TENM2: variants seen among roughly 807,000 people sequenced by gnomAD.
The protein encoded by TENM2 is teneurin-2.
Under a neutral mutation model 245.2 loss-of-function variants are expected in TENM2, and 52 were observed. The observed-to-expected ratio is 0.21, with a 90% CI of 0.17 to 0.27. The LOEUF (loss-of-function observed/expected upper bound fraction) is 0.27, where lower values mean the gene tolerates loss of function less well. Among genes scored for constraint, TENM2 ranks in the 10% least tolerant of loss-of-function variants. TENM2 has a pLI of 1.00. For synonymous variants in TENM2, 1,363 were observed against 1,438.9 expected, an observed-to-expected ratio of 0.95 and a Z score of 1.19; for missense variants, 3,046 against 3,666.8, an observed-to-expected ratio of 0.83 and a Z score of 4.37.
chr5:167,367,682 C>T (rs898713310), intron 1 of TENM2, among the ~76,000 whole-genome samples: 1 of 151,912 alleles, frequency 6.6e-6, no homozygotes, highest in East Asian at 1.9e-4. Flanking sequence ...ATGTTGATAA[C>T]GGTTTTAAAC....
At chr5:167,147,655 A>G in the TENM2 span, among the ~76,000 whole-genome samples, 1 of 152,122 alleles carries the variant, frequency 6.6e-6, no homozygotes, top group Admixed American at 6.6e-5. Flanking sequence ...TCCATGAATC[A>G]CTCACTGAGC....
At chr5:167,729,580 T>C (rs1185209225) in intron 2 of TENM2, among the ~76,000 whole-genome samples, 3 of 152,200 alleles carry the variant, frequency 2.0e-5, no homozygotes, top group African/African-American at 4.8e-5. Context: ...TGTCAATTAA[T>C]GAGAGATTGT....
At chr5:168,235,390 C>A (rs539446258) in intron 25 of TENM2, among the ~76,000 whole-genome samples, 3 of 152,308 alleles carry the variant, frequency 2.0e-5, no homozygotes, top group Middle Eastern at 3.4e-3. Flanking sequence ...ATTCCCCAAG[C>A]AAACATTACT....
At position 168,052,958 on chromosome 5, in the gene TENM2, T is replaced by C. The variant is rs1483364052; in HGVS notation, c.1309+5409T>C. 2.6e-5 allele frequency among the ~76,000 whole-genome samples: 4 copies of C among 152,374 alleles called. No individual in the cohort carries two copies. In the East Asian group the frequency reaches 7.7e-4, roughly 29 times the overall value. Reference sequence around the variant, plus strand: ...TAATGATTTTTACTAGTTGGCTTAATGCGTGGTACTAGGAGCCAGATTAGC... The same window carrying C: ...TAATGATTTTTACTAGTTGGCTTAACGCGTGGTACTAGGAGCCAGATTAGC... On this transcript the variant is annotated intron_variant, in intron 6 of 28. Transcript: ENST00000518659.
chr5:167,640,619 C>CA (rs777939339), intron 2 of TENM2, among the ~76,000 whole-genome samples: 2,068 of 76,142 alleles, frequency 0.027, 46 homozygotes, highest in African/African-American at 0.059. Flanking sequence ...AACTCCATCT[C>CA]AAAAAAAAAA....
At chr5:167,731,228 A>C (rs1478241032) in intron 2 of TENM2, among the ~76,000 whole-genome samples, 2 of 150,826 alleles carry the variant, frequency 1.3e-5, no homozygotes, top group African/African-American at 4.9e-5. Context: ...GTTCTAAGGA[A>C]AATAGTTCAA....
chr5:167,486,237 A>C (rs772150479), intron 2 of TENM2, among the ~76,000 whole-genome samples: 1 of 152,190 alleles, frequency 6.6e-6, no homozygotes, highest in South Asian at 2.1e-4. Context: ...GGGGATATAA[A>C]TAAAACAATA....
the TENM2 span, among the ~76,000 whole-genome samples, chr5:167,230,768 A>G: frequency 9.2e-5 from 14 of 152,344 alleles, no homozygotes; most frequent in South Asian, 1.7e-3. Flanking sequence ...CTGTTAGAAT[A>G]TAATGTATAT....
At position 167,572,216 on chromosome 5, in the gene TENM2, C is replaced by T. The variant is rs1774313374; in HGVS notation, c.502+196743C>T. Among the ~76,000 whole-genome samples the T allele has an allele frequency of 2.6e-5, 4 of 152,342 alleles. No individual in the cohort carries two copies. In the South Asian group the frequency reaches 8.3e-4, roughly 32 times the overall value. On this transcript the variant is annotated intron_variant, in intron 2 of 28. Coordinates refer to ENST00000518659, the Ensembl canonical transcript of TENM2. ...TTCGAGTTTAACAAGATTAAGCAAT[C>T]CCTCTTTGGGCACAGCAATGTGGCC...
At chr5:167,225,088 C>T in the TENM2 span, among the ~76,000 whole-genome samples, 2 of 151,814 alleles carry the variant, frequency 1.3e-5, no homozygotes, top group Non-Finnish European at 2.9e-5. Context: ...TATATCAGTT[C>T]TAAGAGTATT....
At chr5:167,445,336 T>TATATATATAGAGAGAGAG (rs368881390) in intron 2 of TENM2, among the ~76,000 whole-genome samples, 12 of 77,294 alleles carry the variant, frequency 1.6e-4, no homozygotes, top group African/African-American at 3.9e-4. Context: ...TATATATATA[T>TATATATATAGAGAGAGAG]AGAGAGAGAG....
At chr5:168,181,746 A>G (rs912773716) in intron 13 of TENM2, among the ~76,000 whole-genome samples, 3 of 136,376 alleles carry the variant, frequency 2.2e-5, no homozygotes, top group Non-Finnish European at 4.5e-5. Flanking sequence ...ATGCAATCTC[A>G]GCTCACTGCA....
chr5:167,442,867 T>C (rs1764949865), intron 2 of TENM2, among the ~76,000 whole-genome samples: 1 of 152,178 alleles, frequency 6.6e-6, no homozygotes, highest in Non-Finnish European at 1.5e-5. Flanking sequence ...CTGCTATTTA[T>C]GTGACCGTTC....
At chr5:167,989,296 G>GAT (rs1562021272) in intron 4 of TENM2, among the ~76,000 whole-genome samples, 5 of 142,436 alleles carry the variant, frequency 3.5e-5, no homozygotes, top group East Asian at 2.5e-4. Flanking sequence ...GAGAGAGAGA[G>GAT]AGAGATAGAT....
At chr5:167,920,515 T>TCACACACACACA (rs58866696) in intron 3 of TENM2, among the ~76,000 whole-genome samples, 228 of 129,514 alleles carry the variant, frequency 1.8e-3, no homozygotes, top group East Asian at 4.6e-3. Context: ...CGAAACTCCA[T>TCACACACACACA]CACACACACA....
intron 13 of TENM2, among the ~76,000 whole-genome samples, chr5:168,179,719 T>C (rs950795238): frequency 2.0e-5 from 3 of 152,162 alleles, no homozygotes; most frequent in Non-Finnish European, 2.9e-5. Flanking sequence ...GTCCTACCAC[T>C]TAAAAACAGG....
chr5:167,713,589 T>TATGCAGACATGCACATACATGTGCAC (rs1759053528), intron 2 of TENM2, among the ~76,000 whole-genome samples: 2 of 152,154 alleles, frequency 1.3e-5, no homozygotes, highest in African/African-American at 4.8e-5. Context: ...TTCATGTGCA[T>TATGCAGACATGCACATACATGTGCAC]ATGCAGACAT....
At chr5:168,013,290 T>G (rs1310970681) in intron 5 of TENM2, among the ~76,000 whole-genome samples, 1 of 152,172 alleles carries the variant, frequency 6.6e-6, no homozygotes, top group East Asian at 1.9e-4. Flanking sequence ...AGTGTCTGAT[T>G]AGAGTACTTG....
At chr5:167,454,629 C>G (rs1171734862) in intron 2 of TENM2, among the ~76,000 whole-genome samples, 1 of 152,096 alleles carries the variant, frequency 6.6e-6, no homozygotes, top group African/African-American at 2.4e-5. Context: ...CTTTCTCTCT[C>G]TCCTCGCCCT....
Sources: gnomAD v4.1 joint callset for allele counts (sites outside exome capture counted in the v4.1 genomes callset) on GRCh38, gnomAD v4.1.1 for gene constraint, MANE v1.5 for transcripts, NCBI Gene and HGNC (gene_info 2026-07-23, HGNC 2026-07-21) for gene names.